PTMA: variants seen among roughly 807,000 people sequenced by gnomAD.
PTMA encodes gene sequence 28.
In PTMA, 4 loss-of-function variants were observed where a neutral mutation model predicts 16.9. The observed-to-expected ratio is 0.24, with a 90% CI of 0.12 to 0.54. The LOEUF (loss-of-function observed/expected upper bound fraction) is 0.54. Among genes scored for constraint, PTMA ranks in the 20% least tolerant of loss-of-function variants. PTMA has a pLI of 0.95. For synonymous variants in PTMA, 58 were observed against 47.9 expected (o/e 1.21, Z -0.87); for missense variants, 120 against 137.7 (o/e 0.87, Z 0.64).
rs534178278 is a variant in PTMA, at chr2:231,710,495, C to T, written c.46-853C>T. Reference sequence around the variant, plus strand: ...CCGGGGTCCGCGGAGCGGAGCGGGGCGGGCCGGACTGAGAGGGCCGACAGG... The same window carrying T: ...CCGGGGTCCGCGGAGCGGAGCGGGGTGGGCCGGACTGAGAGGGCCGACAGG... On this transcript the variant is annotated intron_variant, in intron 1 of 4. Transcript: ENST00000409115. 3.4e-5 allele frequency: 36 copies of T among 1,053,350 alleles called. No homozygotes were observed. In the African/African-American group the frequency reaches 5.4e-4, roughly 16 times the overall value. 65.3% of individuals were successfully genotyped at this position (1,053,350 alleles called of 1,614,324 possible).
At chr2:231,709,911 G>A (rs1168934138) in intron 1 of PTMA, 1 of 414,482 alleles carries the variant, frequency 2.4e-6, no homozygotes, top group African/African-American at 2.1e-5. Context: ...CTCTCCCAGG[G>A]GCGACTTCTT....
At chr2:231,708,776 C>G (rs545054194) in intron 1 of PTMA, 25 bp downstream of exon 1, 39 of 1,598,642 alleles carry the variant, frequency 2.4e-5, no homozygotes, top group Non-Finnish European at 3.3e-5. Context: ...CGCCCGCCCC[C>G]TCGGGGTCCG....
intron 2 of PTMA, 41 bp from the exon 3 acceptor site, chr2:231,711,849 G>A (rs781448325): frequency 3.6e-5 from 58 of 1,609,872 alleles, no homozygotes; most frequent in Non-Finnish European, 4.7e-5. Flanking sequence ...GTCCAGCCTG[G>A]GGCCAGCTGG....
At position 231,712,633 on chromosome 2, in the gene PTMA, G is replaced by C; in HGVS notation, c.285+117G>C. Reference sequence around the variant, plus strand: ...CTGACTTTGTAGGTGGCCACTGTGTGGTCCTGAATCTTAAGAACAGGAAGG... The same window carrying C: ...CTGACTTTGTAGGTGGCCACTGTGTCGTCCTGAATCTTAAGAACAGGAAGG... On this transcript the variant is annotated intron_variant, in intron 4 of 4. Coordinates refer to ENST00000409115, the MANE Select transcript of PTMA (RefSeq NM_002823.5). 3.0e-6 allele frequency: 4 copies of C among 1,328,880 alleles called. No individual in the cohort carries two copies. In the South Asian group the frequency reaches 3.7e-5, roughly 12 times the overall value. 82.3% of individuals were successfully genotyped at this position (1,328,880 alleles called of 1,614,324 possible). A position where few individuals can be genotyped will look rare whatever the true frequency, so the allele number is the denominator to read the frequency against.
chr2:231,709,682 G>A (rs1204459097), intron 1 of PTMA: 1 of 152,584 alleles, frequency 6.6e-6, no homozygotes, highest in Non-Finnish European at 1.5e-5. Context: ...ATGAGGTCCT[G>A]CGCGGCTGGT....
intron 4 of PTMA, 103 bp downstream of exon 4, chr2:231,712,619 G>A (rs2106246207): frequency 2.2e-6 from 3 of 1,385,376 alleles, no homozygotes; most frequent in Non-Finnish European, 3.0e-6. Flanking sequence ...TGACTTTGTA[G>A]GTGGCCACTG....
At chr2:231,709,123 G>A (rs925990099) in intron 1 of PTMA, among the ~76,000 whole-genome samples, 1 of 152,144 alleles carries the variant, frequency 6.6e-6, no homozygotes, top group South Asian at 2.1e-4. Flanking sequence ...TGAAACTCAA[G>A]CGCGTTGGGA....
At chr2:231,711,675 G>A in intron 2 of PTMA, 1 of 910,944 alleles carries the variant, frequency 1.1e-6, no homozygotes, top group Non-Finnish European at 1.6e-6. Context: ...CTTGGCCCAG[G>A]GTGGGGAAAA....
chr2:231,712,107 A>G, intron 3 of PTMA, 124 bp downstream of exon 3: 1 of 1,495,494 alleles, frequency 6.7e-7, no homozygotes, highest in Non-Finnish European at 9.0e-7. Context: ...AGTGGACCAC[A>G]TGGCCCTGGG....
intron 4 of PTMA, 45 bp from the exon 5 acceptor site, chr2:231,712,759 G>A: frequency 6.4e-7 from 1 of 1,570,140 alleles, no homozygotes. Flanking sequence ...GGCTGGATAG[G>A]GCTCCTGGGG....
rs1575348251 is a variant in PTMA at position 231,708,574 on chromosome 2, C to T, written c.-133C>T. 24 of 1,057,636 alleles carry T rather than the reference C, an allele frequency of 2.3e-5. No homozygotes were observed. The East Asian group carries it at 3.2e-4, about 14-fold the overall frequency. The allele number at this position is 1,057,636 out of a possible 1,614,324, so 65.5% of individuals were successfully genotyped here. ...CATCTTTGCATTGTTCCTCATCCGCCTCCTTGCTCGCCGCAGCCGCCTCCG... is the reference window on the plus strand; with the variant it reads ...CATCTTTGCATTGTTCCTCATCCGCTTCCTTGCTCGCCGCAGCCGCCTCCG... On this transcript the variant is annotated 5_prime_UTR_variant, in exon 1 of 5. Coordinates refer to ENST00000409115, the MANE Select transcript of PTMA (RefSeq NM_002823.5).
intron 3 of PTMA, 47 bp downstream of exon 3, chr2:231,712,030 C>T (rs185569924): frequency 7.8e-5 from 121 of 1,549,884 alleles, no homozygotes; most frequent in African/African-American, 1.4e-5. Context: ...TTTTTCCTGG[C>T]CTTGTCTGGC....
At chr2:231,710,133 G>C in intron 1 of PTMA, 3 of 1,250,616 alleles carry the variant, frequency 2.4e-6, no homozygotes, top group Non-Finnish European at 3.0e-6. Context: ...GACCTACGCA[G>C]CCCGGTGGAC....
chr2:231,712,811 A>G lies in PTMA; in HGVS notation c.293A>G (p.Asp98Gly), dbSNP rs1483124560. The G allele has an allele frequency of 1.9e-6, 3 of 1,593,618 alleles. No homozygotes were observed. Among genetic ancestry groups the G allele is most frequent in the African/African-American group, 1.3e-5 (1 of 74,564 alleles). ...CAGTCTTTCTCTGCTTAGGATGACG[A>G]TGTCGATACCAAGAAGCAGAAGACC... ...KRAAEDDEDD[D>G]VDTKKQKTDE... The change falls in exon 5 of 5, where the codon GAT becomes GGT. Residue 98 changes from aspartate (D) to glycine (G), a missense_variant. By Grantham distance (94) the Asp-to-Gly change is moderately conservative. Coordinates refer to ENST00000409115, the MANE Select transcript of PTMA (RefSeq NM_002823.5).
intron 1 of PTMA, chr2:231,710,199 CGGGGT>C: frequency 2.3e-6 from 3 of 1,319,286 alleles, no homozygotes; most frequent in Non-Finnish European, 2.9e-6. Context: ...TCGGGCCTGC[CGGGGT>C]GGCGGCAGTG....
chr2:231,708,907 T>C, intron 1 of PTMA, among the ~76,000 whole-genome samples, 156 bp downstream of exon 1: 1 of 151,778 alleles, frequency 6.6e-6, no homozygotes, highest in East Asian at 1.9e-4. Context: ...GCCCACTCTT[T>C]GTGTGGTGCG....
chr2:231,708,954 G>A (rs1022036531), intron 1 of PTMA, among the ~76,000 whole-genome samples: 9 of 152,218 alleles, frequency 5.9e-5, no homozygotes, highest in African/African-American at 2.2e-4. Context: ...CAGACGTGAT[G>A]CCCGTCGGGG....
chr2:231,709,306 G>T lies in PTMA; in HGVS notation c.45+555G>T, dbSNP rs1317055017. Among the ~76,000 whole-genome samples, 4 of 152,144 alleles carry T rather than the reference G, an allele frequency of 2.6e-5. No individual in the cohort carries two copies. The East Asian group carries it at 5.8e-4, about 22-fold the overall frequency. On this transcript the variant is annotated intron_variant, in intron 1 of 4. Coordinates refer to ENST00000409115, the MANE Select transcript of PTMA (RefSeq NM_002823.5). ...GTCCCGATAAGGCGGATGGGGCGAC[G>T]GGCTGGCTGGCCGCGACGTCGGCCG...
Position 231,708,583 on chromosome 2 carries a change from C to G in PTMA, c.-124C>G, listed in dbSNP as rs1158213703. On this transcript the variant is annotated 5_prime_UTR_variant, in exon 1 of 5. Transcript: ENST00000409115. ...ATTGTTCCTCATCCGCCTCCTTGCT[C>G]GCCGCAGCCGCCTCCGCCGCGCGCC... The G allele has an allele frequency of 2.6e-5, 31 of 1,205,082 alleles. No individual in the cohort carries two copies. Among genetic ancestry groups the G allele is most frequent in the Non-Finnish European group, 3.5e-5 (29 of 831,104 alleles). The allele number at this position is 1,205,082 out of a possible 1,614,324, so 74.6% of individuals were successfully genotyped here.
Sources: allele counts gnomAD v4.1 joint callset (sites outside exome capture counted in the v4.1 genomes callset), GRCh38; gene constraint gnomAD v4.1.1; transcripts MANE v1.5; gene names NCBI Gene and HGNC (gene_info 2026-07-23, HGNC 2026-07-21).